Variants in PTGIS observed in about 807,000 individuals in gnomAD.
The protein encoded by PTGIS is prostaglandin I2 synthase.
Under a neutral mutation model 50.3 loss-of-function variants are expected in PTGIS, and 45 were observed. The observed-to-expected ratio is 0.90, with a 90% CI of 0.70 to 1.15. The LOEUF (loss-of-function observed/expected upper bound fraction) is 1.15. Ranked by LOEUF, PTGIS falls within the 50% of genes most tolerant of loss-of-function variation. The pLI, the probability that PTGIS is intolerant of heterozygous loss-of-function variation, is 0.00. For missense variants in PTGIS, 668 were observed against 661.3 expected, an observed-to-expected ratio of 1.01 and a Z score of -0.11; for synonymous variants, 260 against 267.7, an observed-to-expected ratio of 0.97 and a Z score of 0.28.
chr20:49,506,377 A>AATT lies in PTGIS; in HGVS notation c.*1540_*1542dup, dbSNP rs1351052438. 17 of 152,238 alleles carry AATT rather than the reference A, an allele frequency of 1.1e-4. No individual in the cohort carries two copies. The highest frequency in any genetic ancestry group is 4.1e-4 in the African/African-American group (17 of 41,542). 9.4% of individuals were successfully genotyped at this position (152,238 alleles called of 1,614,324 possible). On this transcript the variant is annotated 3_prime_UTR_variant, in exon 10 of 10. Transcript: ENST00000244043. ...TTCTCTTTAAGCTGTTTTTTATTTT[A>AATT]ATTAATTATTTATTTATTGAGACAG...
chr20:49,564,453 G>C (rs191396312), intron 1 of PTGIS, among the ~76,000 whole-genome samples: 160 of 152,150 alleles, frequency 1.1e-3, no homozygotes, highest in African/African-American at 3.6e-3. Flanking sequence ...GGGTTTCATC[G>C]TGTTAGCCAG....
intron 5 of PTGIS, among the ~76,000 whole-genome samples, chr20:49,535,721 G>A (rs1982051671): frequency 6.6e-6 from 1 of 152,178 alleles, no homozygotes; most frequent in African/African-American, 2.4e-5. Flanking sequence ...TCGCCATGTT[G>A]GCCAGGCTGG....
chr20:49,524,042 G>A lies in PTGIS; in HGVS notation c.855+16C>T. On this transcript the variant is annotated intron_variant, in intron 6 of 9. Transcript: ENST00000244043. ...CATGCACACCTGCACACACCCACTT[G>A]CACATTCACACCCACCTGTGTGGCC... 1 of 1,614,068 alleles carries A rather than the reference G, an allele frequency of 6.2e-7. No individual in the cohort carries two copies. Among genetic ancestry groups the A allele is most frequent in the Non-Finnish European group, 8.5e-7 (1 of 1,179,996 alleles).
At chr20:49,535,805 C>T (rs528616977) in intron 5 of PTGIS, among the ~76,000 whole-genome samples, 12 of 152,328 alleles carry the variant, frequency 7.9e-5, no homozygotes, top group South Asian at 2.1e-4. Flanking sequence ...CATGAGCCAC[C>T]GTGCTCGGCC....
At position 49,524,184 on chromosome 20, in the gene PTGIS, T is replaced by C. The variant is rs1981734002; in HGVS notation, c.729A>G (p.Pro243=). Residue 243 remains proline (P), a synonymous_variant, in exon 6 of 10, where the codon CCA becomes CCG. Transcript: ENST00000244043. Reference sequence around the variant, plus strand: ...GGTGGGCCCGCCTGGCCAGCCTGGCTGGGGATAGCAGCTTCCACAGGCGAC... The same window carrying C: ...GGTGGGCCCGCCTGGCCAGCCTGGCCGGGGATAGCAGCTTCCACAGGCGAC... The part of the protein sequence containing the change: ...VKSRLWKLLS[P]ARLARRAHRS... The C allele has an allele frequency of 6.2e-7, 1 of 1,614,116 alleles. No homozygotes were observed. Among genetic ancestry groups the C allele is most frequent in the South Asian group, 1.1e-5 (1 of 91,082 alleles).
At chr20:49,544,532 G>A in intron 3 of PTGIS, 84 bp from the exon 4 acceptor site, 1 of 1,520,980 alleles carries the variant, frequency 6.6e-7, no homozygotes. Flanking sequence ...AAACCTAAGG[G>A]TCCCAGAGCT....
At chr20:49,522,535 C>T (rs1981676809) in intron 6 of PTGIS, among the ~76,000 whole-genome samples, 1 of 151,874 alleles carries the variant, frequency 6.6e-6, no homozygotes, top group African/African-American at 2.4e-5. Flanking sequence ...ACTATGTTGC[C>T]CAGGCTGGTC....
Position 49,529,126 on chromosome 20 carries a change from G to A in PTGIS, c.674-4887C>T, listed in dbSNP as rs77388511. On this transcript the variant is annotated intron_variant, in intron 5 of 9. Coordinates refer to ENST00000244043, the MANE Select transcript of PTGIS (RefSeq NM_000961.4). Reference sequence around the variant, plus strand: ...ACCTTACATAGGTGCACACTCACACGTGCATGCATGGTGAGAATACTTAAG... The same window carrying A: ...ACCTTACATAGGTGCACACTCACACATGCATGCATGGTGAGAATACTTAAG... Among the ~76,000 whole-genome samples, 724 of 152,228 alleles carry A rather than the reference G, an allele frequency of 4.8e-3. 7 individuals carry two copies. Among genetic ancestry groups the A allele is most frequent in the African/African-American group, 0.017 (689 of 41,514 alleles).
At chr20:49,550,289 T>C (rs1568683662) in intron 1 of PTGIS, 100 bp from the exon 2 acceptor site, 2 of 1,492,820 alleles carry the variant, frequency 1.3e-6, no homozygotes, top group East Asian at 4.5e-5. Flanking sequence ...GTCGGGGAGG[T>C]AATCTGAATG....
At chr20:49,514,452 G>A in intron 6 of PTGIS, 57 bp from the exon 7 acceptor site, 1 of 1,588,346 alleles carries the variant, frequency 6.3e-7, no homozygotes, top group Non-Finnish European at 8.6e-7. Flanking sequence ...ACTCGTCTCT[G>A]CCAGGGACAC....
At chr20:49,550,245 G>A (rs1460706552) in intron 1 of PTGIS, 56 bp from the exon 2 acceptor site, 7 of 1,598,470 alleles carry the variant, frequency 4.4e-6, no homozygotes, top group Non-Finnish European at 3.4e-6. Flanking sequence ...GGCATAAAGA[G>A]TGTAGGTTGC....
intron 3 of PTGIS, among the ~76,000 whole-genome samples, chr20:49,546,740 C>T (rs1176710194): frequency 1.3e-5 from 2 of 152,192 alleles, no homozygotes; most frequent in Non-Finnish European, 2.9e-5. Context: ...GATAAAAATG[C>T]CCACCTCTTT....
chr20:49,540,256 G>C lies in PTGIS; in HGVS notation c.522-535C>G, dbSNP rs1031184265. On this transcript the variant is annotated intron_variant, in intron 4 of 9. Coordinates refer to ENST00000244043, the MANE Select transcript of PTGIS (RefSeq NM_000961.4). This position sits in a 1 kb window ranked among gnomAD's most constrained non-coding sequence, Gnocchi z 4.8. Reference sequence around the variant, plus strand: ...GCTGAGATGGGGGCACAGAGAAGGGGAGGAGATGCCTGCTCCCAGGGAGGG... The same window carrying C: ...GCTGAGATGGGGGCACAGAGAAGGGCAGGAGATGCCTGCTCCCAGGGAGGG... Among the ~76,000 whole-genome samples the C allele has an allele frequency of 2.0e-5, 3 of 152,178 alleles. No individual in the cohort carries two copies. Among genetic ancestry groups the C allele is most frequent in the Admixed American group, 2.0e-4 (3 of 15,278 alleles).
intron 7 of PTGIS, among the ~76,000 whole-genome samples, chr20:49,513,714 C>T (rs1981391265): frequency 6.6e-6 from 1 of 152,028 alleles, no homozygotes; most frequent in Non-Finnish European, 1.5e-5. Flanking sequence ...CCCTCTGAGC[C>T]CTGTGATTGG....
chr20:49,539,347 A>G (rs1982162557), intron 5 of PTGIS, among the ~76,000 whole-genome samples: 1 of 152,220 alleles, frequency 6.6e-6, no homozygotes, highest in South Asian at 2.1e-4. Context: ...CCCACTCTAA[A>G]TGTGCTGAAT....
At chr20:49,512,962 G>A (rs1981363056) in intron 8 of PTGIS, 118 bp downstream of exon 8, 2 of 1,253,800 alleles carry the variant, frequency 1.6e-6, no homozygotes, top group Non-Finnish European at 2.3e-6. Context: ...AAGCAATCTG[G>A]GCAATGTCAC....
At chr20:49,551,516 G>A (rs981453886) in intron 1 of PTGIS, among the ~76,000 whole-genome samples, 3 of 152,162 alleles carry the variant, frequency 2.0e-5, no homozygotes, top group Non-Finnish European at 4.4e-5. Context: ...CCCACATCAA[G>A]TTGTCCTGTC....
At chr20:49,544,223 C>T (rs1392837272) in intron 4 of PTGIS, 82 bp downstream of exon 4, 17 of 1,574,926 alleles carry the variant, frequency 1.1e-5, no homozygotes, top group South Asian at 2.3e-5. Flanking sequence ...AGAGTCCTCA[C>T]GGTTCCCTTG....
chr20:49,530,356 C>T (rs1981907058), intron 5 of PTGIS, among the ~76,000 whole-genome samples: 1 of 152,088 alleles, frequency 6.6e-6, no homozygotes, highest in Non-Finnish European at 1.5e-5. Context: ...GTTTCCATGT[C>T]TCAGCTGTTG....
Sources: gnomAD v4.1 joint callset for allele counts (sites outside exome capture counted in the v4.1 genomes callset) on GRCh38, gnomAD v4.1.1 for gene constraint, Gnocchi (gnomAD v3.1) non-coding constraint, MANE v1.5 for transcripts, NCBI Gene and HGNC (gene_info 2026-07-23, HGNC 2026-07-21) for gene names.